Variants in OPCML observed in about 807,000 individuals in gnomAD.
OPCML encodes opioid binding protein/cell adhesion molecule like, also known as opioid-binding protein/cell adhesion molecule.
Under a neutral mutation model 37.8 loss-of-function variants are expected in OPCML, and 13 were observed. That is an observed-to-expected ratio of 0.34 (90% CI 0.22 to 0.55). The LOEUF (loss-of-function observed/expected upper bound fraction) is 0.55, where lower values mean the gene tolerates loss of function less well. Among genes scored for constraint, OPCML ranks in the 20% least tolerant of loss-of-function variants. The probability of loss-of-function intolerance (pLI) is 0.91; values close to 1 mark genes in which losing one functional copy is unlikely to be tolerated. For missense variants in OPCML, 341 were observed against 435.6 expected, an observed-to-expected ratio of 0.78 and a Z score of 1.93; for synonymous variants, 176 against 168.8, an observed-to-expected ratio of 1.04 and a Z score of -0.33.
chr11:132,540,623 A>G (rs1029730909), intron 3 of OPCML, among the ~76,000 whole-genome samples: 5 of 152,168 alleles, frequency 3.3e-5, no homozygotes, highest in African/African-American at 1.2e-4. Flanking sequence ...TCTGATTGCT[A>G]TTCTCCTCTG....
chr11:133,026,145 C>T (rs1947550284), intron 1 of OPCML: 5 of 942,084 alleles, frequency 5.3e-6, no homozygotes, highest in Non-Finnish European at 6.3e-6. Context: ...AAAACACCAC[C>T]CATCTGAGTA....
intron 2 of OPCML, among the ~76,000 whole-genome samples, chr11:132,762,901 G>A (rs947777697): frequency 6.6e-6 from 1 of 152,140 alleles, no homozygotes; most frequent in African/African-American, 2.4e-5. Context: ...CCTGCCCAAA[G>A]AGCCGCCCAG....
chr11:133,061,108 C>T (rs1948334199), intron 1 of OPCML, among the ~76,000 whole-genome samples: 1 of 152,184 alleles, frequency 6.6e-6, no homozygotes, highest in South Asian at 2.1e-4. Context: ...TTAAGCAGTC[C>T]TCCTGCCTGA....
chr11:132,610,030 G>A (rs545154770), intron 3 of OPCML, among the ~76,000 whole-genome samples: 2 of 60,292 alleles, frequency 3.3e-5, no homozygotes, highest in East Asian at 0.017. Context: ...TTCAGGTTAC[G>A]TTAACATTTT....
chr11:132,463,790 C>T (rs1246096322), intron 4 of OPCML, among the ~76,000 whole-genome samples: 1 of 152,188 alleles, frequency 6.6e-6, no homozygotes, highest in African/African-American at 2.4e-5. Flanking sequence ...TTGGGCCCCT[C>T]CCCTGGGAAT....
chr11:132,979,562 G>A (rs577491308), intron 1 of OPCML, among the ~76,000 whole-genome samples: 11 of 152,210 alleles, frequency 7.2e-5, no homozygotes, highest in Admixed American at 2.0e-4. Flanking sequence ...ACCCTCCCAC[G>A]GTCTCTTCCC....
chr11:132,617,916 G>A (rs1939139062), intron 3 of OPCML, among the ~76,000 whole-genome samples: 2 of 152,204 alleles, frequency 1.3e-5, no homozygotes, highest in South Asian at 4.1e-4. Flanking sequence ...TGGGGATTAT[G>A]GCTTCAATGT....
chr11:133,398,280 G>GT (rs1427578007), intron 1 of OPCML, among the ~76,000 whole-genome samples: 1 of 152,148 alleles, frequency 6.6e-6, no homozygotes, highest in Non-Finnish European at 1.5e-5. Context: ...AGCTGTCCTG[G>GT]GACTGCCCAA....
At chr11:133,333,887 A>G (rs1943682242) in intron 1 of OPCML, among the ~76,000 whole-genome samples, 1 of 152,256 alleles carries the variant, frequency 6.6e-6, no homozygotes, top group South Asian at 2.1e-4. Context: ...AGCATTTAAA[A>G]AAAAAGTTCA....
chr11:133,287,474 A>G (rs10894666), intron 1 of OPCML, among the ~76,000 whole-genome samples: 56,647 of 147,292 alleles, frequency 0.38, 12,968 homozygotes, highest in East Asian at 0.75. Context: ...CCTGAGGCTC[A>G]TGCCCACCAG....
chr11:133,291,144 A>C (rs1267892653), intron 1 of OPCML, among the ~76,000 whole-genome samples: 2 of 152,220 alleles, frequency 1.3e-5, no homozygotes, highest in Non-Finnish European at 2.9e-5. Context: ...TAAGACAAAA[A>C]CCTGGGTTCT....
intron 2 of OPCML, among the ~76,000 whole-genome samples, chr11:132,803,765 A>G (rs997417505): frequency 6.6e-6 from 1 of 152,242 alleles, no homozygotes; most frequent in South Asian, 2.1e-4. Context: ...ATAGATATAT[A>G]AACTTAGGCA....
intron 2 of OPCML, among the ~76,000 whole-genome samples, chr11:132,810,354 A>C (rs1473595684): frequency 2.0e-5 from 3 of 152,234 alleles, no homozygotes; most frequent in African/African-American, 7.2e-5. Context: ...GGTGGAAAGA[A>C]AAGAAGGGTT....
In OPCML at chr11:132,417,098, T is replaced by A. The variant is rs1361177086; in HGVS notation, c.*3095A>T. 6.6e-6 allele frequency: 1 copy of A among 152,650 alleles called. No homozygotes were observed. The highest frequency in any genetic ancestry group is 3.1e-3 in the Middle Eastern group (1 of 320). 9.5% of individuals were successfully genotyped at this position (152,650 alleles called of 1,614,324 possible). The stretch of plus-strand genomic sequence containing the variant: ...CAAGAGATGTACTTGCTCAGACTTG[T>A]ATGTTTTGTCCTGCCTTGCCCCCAC... On this transcript the variant is annotated 3_prime_UTR_variant, in exon 8 of 8. Transcript: ENST00000524381.
intron 2 of OPCML, among the ~76,000 whole-genome samples, chr11:132,750,835 G>C (rs1432789856): frequency 4.0e-5 from 6 of 150,526 alleles, no homozygotes. Flanking sequence ...TGTCGCCCAG[G>C]CTGGTGTGCA....
chr11:132,887,919 T>A (rs1285639982), intron 2 of OPCML, among the ~76,000 whole-genome samples: 1 of 152,148 alleles, frequency 6.6e-6, no homozygotes, highest in Non-Finnish European at 1.5e-5. Context: ...ATACATAGCA[T>A]AGGGAAAGTT....
intron 1 of OPCML, among the ~76,000 whole-genome samples, chr11:133,231,746 C>T (rs1940288071): frequency 6.6e-6 from 1 of 152,156 alleles, no homozygotes; most frequent in African/African-American, 2.4e-5. Flanking sequence ...GGGGTGATAA[C>T]TATACCTACA....
intron 2 of OPCML, among the ~76,000 whole-genome samples, chr11:132,763,110 T>C (rs2917579): frequency 0.79 from 119,335 of 152,010 alleles, 47,875 homozygotes; most frequent in East Asian, 0.97. Context: ...GGCGACACCC[T>C]ACCCTGCTTC....
At chr11:132,613,122 C>T (rs1224729616) in intron 3 of OPCML, among the ~76,000 whole-genome samples, 2 of 152,190 alleles carry the variant, frequency 1.3e-5, no homozygotes, top group Non-Finnish European at 2.9e-5. Flanking sequence ...ATGAGATGAG[C>T]TGCTGGCGGG....
Sources: allele counts gnomAD v4.1 joint callset (sites outside exome capture counted in the v4.1 genomes callset), GRCh38; gene constraint gnomAD v4.1.1; transcripts MANE v1.5; gene names NCBI Gene and HGNC (gene_info 2026-07-23, HGNC 2026-07-21).